Variants in NRCAM observed in about 807,000 individuals in gnomAD.
NRCAM encodes the protein NgCAM-related cell adhesion molecule.
In NRCAM, 83 loss-of-function variants were observed where a neutral mutation model predicts 156.5. The ratio of observed to expected loss-of-function variants is 0.53; its 90% confidence interval spans 0.44 to 0.64. The LOEUF (loss-of-function observed/expected upper bound fraction) is 0.64, where lower values mean the gene tolerates loss of function less well. Ranked by LOEUF, NRCAM falls within the 30% of genes least tolerant of loss-of-function variation. NRCAM has a pLI of 0.00. For missense variants in NRCAM, 1,417 were observed against 1,597.3 expected, an observed-to-expected ratio of 0.89 and a Z score of 1.92; for synonymous variants, 538 against 563.9, an observed-to-expected ratio of 0.95 and a Z score of 0.65.
At chr7:108,447,005 G>A (rs570809819) in intron 1 of NRCAM, among the ~76,000 whole-genome samples, 26 of 151,942 alleles carry the variant, frequency 1.7e-4, no homozygotes, top group Admixed American at 7.2e-4. Context: ...GCTGGGATTA[G>A]CATGAGCCAC....
chr7:108,235,619 G>A (rs1473839527), intron 5 of NRCAM, among the ~76,000 whole-genome samples: 1 of 152,180 alleles, frequency 6.6e-6, no homozygotes, highest in African/African-American at 2.4e-5. Flanking sequence ...ACAACTCCAT[G>A]GAGAGCTGTT....
In NRCAM at chr7:108,207,644, A is replaced by G; in HGVS notation, c.1091T>C (p.Ile364Thr). ...SVRVKAAPYW[I>T]TAPQNLVLSP... ...CAGCACAAGATTTTGAGGGGCTGTG[A>G]TCCAGTATGGAGCCGCTTTATAGGA... The change falls in exon 13 of 33, where the codon ATC becomes ACC. Residue 364 changes from isoleucine to threonine, a missense_variant. Around this residue, in one of 2 missense-constraint regions of NRCAM, gnomAD observed 1,238 missense variants for 1,336.4 expected, o/e 0.93. Transcript: ENST00000379028. The G allele has an allele frequency of 6.2e-7, 1 of 1,613,208 alleles. No homozygotes were observed. The highest frequency in any genetic ancestry group is 8.5e-7 in the Non-Finnish European group (1 of 1,179,620).
chr7:108,260,566 G>C (rs923904032), intron 3 of NRCAM, among the ~76,000 whole-genome samples: 2 of 152,108 alleles, frequency 1.3e-5, no homozygotes, highest in Admixed American at 1.3e-4. Context: ...TGATGGAGTG[G>C]GGAAAGGGAG....
intron 2 of NRCAM, among the ~76,000 whole-genome samples, chr7:108,365,326 A>G (rs2099585383): frequency 6.6e-6 from 1 of 152,084 alleles, no homozygotes; most frequent in African/African-American, 2.4e-5. Flanking sequence ...TTATATCTCA[A>G]CCTCTCAAAT....
chr7:108,378,453 G>T (rs1254304112), intron 2 of NRCAM, among the ~76,000 whole-genome samples: 2 of 151,982 alleles, frequency 1.3e-5, no homozygotes, highest in African/African-American at 2.4e-5. Flanking sequence ...ATTTAAAAAG[G>T]TTGAGAATCA....
chr7:108,218,207 T>TTCCTGA (rs574456405), intron 11 of NRCAM, among the ~76,000 whole-genome samples: 44 of 149,400 alleles, frequency 2.9e-4, no homozygotes, highest in African/African-American at 1.1e-3. Flanking sequence ...CCCCTTGCAC[T>TTCCTGA]TCCTGAGTGA....
At chr7:108,210,602 G>A (rs1214660872) in intron 11 of NRCAM, among the ~76,000 whole-genome samples, 3 of 152,098 alleles carry the variant, frequency 2.0e-5, no homozygotes, top group African/African-American at 4.8e-5. Context: ...TCAGAATATA[G>A]GCTTGGAGTT....
intron 3 of NRCAM, among the ~76,000 whole-genome samples, chr7:108,303,737 T>C (rs1457351451): frequency 6.6e-6 from 1 of 152,142 alleles, no homozygotes; most frequent in Non-Finnish European, 1.5e-5. Flanking sequence ...GAGCCTGGAA[T>C]GTCCTTCTCC....
At chr7:108,373,621 A>G (rs2099643207) in intron 2 of NRCAM, among the ~76,000 whole-genome samples, 1 of 152,204 alleles carries the variant, frequency 6.6e-6, no homozygotes, top group South Asian at 2.1e-4. Flanking sequence ...GTGCCCTACC[A>G]GCAAATCCTG....
chr7:108,296,300 C>G (rs1222811822), intron 3 of NRCAM, among the ~76,000 whole-genome samples: 1 of 152,134 alleles, frequency 6.6e-6, no homozygotes, highest in African/African-American at 2.4e-5. Context: ...CTGGCCTTTA[C>G]CCCTCTCCTC....
intron 1 of NRCAM, among the ~76,000 whole-genome samples, chr7:108,438,072 T>C (rs1834324201): frequency 6.7e-6 from 1 of 150,346 alleles, no homozygotes; most frequent in Admixed American, 6.6e-5. Context: ...GAATTTAAAA[T>C]ATTCCTAAAA....
intron 2 of NRCAM, among the ~76,000 whole-genome samples, chr7:108,350,532 C>T (rs961287433): frequency 6.6e-6 from 1 of 152,204 alleles, no homozygotes; most frequent in African/African-American, 2.4e-5. Context: ...TATTGAGACA[C>T]ATTCTAAACC....
At position 108,408,859 on chromosome 7, in the gene NRCAM, T is replaced by C. The variant is rs531585095; in HGVS notation, c.-331-9266A>G. Among the ~76,000 whole-genome samples the C allele has an allele frequency of 4.6e-5, 7 of 152,226 alleles. No individual in the cohort carries two copies. The South Asian group carries it at 1.5e-3, about 32-fold the overall frequency. ...CTCATTCAGTAAGAAATGTCCTCCTTGGGTTCAGTGGGATGACTGTAGAGG... is the reference window on the plus strand; with the variant it reads ...CTCATTCAGTAAGAAATGTCCTCCTCGGGTTCAGTGGGATGACTGTAGAGG... On this transcript the variant is annotated intron_variant, in intron 1 of 32. Coordinates refer to ENST00000379028, the MANE Select transcript of NRCAM (RefSeq NM_001037132.4).
intron 2 of NRCAM, among the ~76,000 whole-genome samples, chr7:108,358,722 C>G (rs1019010913): frequency 2.0e-5 from 3 of 152,174 alleles, no homozygotes; most frequent in African/African-American, 4.8e-5. Flanking sequence ...TCACTCCCTC[C>G]TGTCAAGGGG....
chr7:108,425,348 A>T (rs1815770534), intron 1 of NRCAM, among the ~76,000 whole-genome samples: 1 of 152,196 alleles, frequency 6.6e-6, no homozygotes, highest in South Asian at 2.1e-4. Context: ...ATATACATGG[A>T]GACTGACACC....
chr7:108,385,826 C>A (rs1381185052), intron 2 of NRCAM, among the ~76,000 whole-genome samples: 1 of 145,118 alleles, frequency 6.9e-6, no homozygotes, highest in Non-Finnish European at 1.5e-5. Context: ...GTAAGTATAT[C>A]TTTACAATTT....
chr7:108,268,132 C>T (rs1482250056), intron 3 of NRCAM, among the ~76,000 whole-genome samples: 1 of 152,098 alleles, frequency 6.6e-6, no homozygotes, highest in South Asian at 2.1e-4. Flanking sequence ...AACATTCTTG[C>T]CATAAGAGAT....
At chr7:108,359,670 G>A (rs2099535097) in intron 2 of NRCAM, among the ~76,000 whole-genome samples, 1 of 152,110 alleles carries the variant, frequency 6.6e-6, no homozygotes, top group Non-Finnish European at 1.5e-5. Flanking sequence ...TTGAGCTGAA[G>A]GCAATGGTTA....
chr7:108,418,345 C>A (rs768709487), intron 1 of NRCAM, among the ~76,000 whole-genome samples: 1 of 152,136 alleles, frequency 6.6e-6, no homozygotes, highest in South Asian at 2.1e-4. Context: ...GACAAGTCCA[C>A]TCACAGAATA....
Sources: allele counts gnomAD v4.1 joint callset (sites outside exome capture counted in the v4.1 genomes callset), GRCh38; gene constraint gnomAD v4.1.1; regional missense constraint gnomAD v4.1.1; transcripts MANE v1.5; gene names NCBI Gene and HGNC (gene_info 2026-07-23, HGNC 2026-07-21).